Variants in NR3C1 observed in about 807,000 individuals in gnomAD.
NR3C1 encodes the protein nuclear receptor subfamily 3 group C member 1, also known as glucocorticoid receptor.
A neutral mutation model predicts 74.0 loss-of-function variants in NR3C1; 14 were observed. The observed-to-expected ratio is 0.19, with a 90% CI of 0.12 to 0.30. The LOEUF (loss-of-function observed/expected upper bound fraction) is 0.30, where lower values mean the gene tolerates loss of function less well. Among genes scored for constraint, NR3C1 ranks in the 10% least tolerant of loss-of-function variants. The pLI, the probability that NR3C1 is intolerant of heterozygous loss-of-function variation, is 1.00. For synonymous variants in NR3C1, 308 were observed against 332.5 expected (o/e 0.93, Z 0.80); for missense variants, 695 against 909.8 (o/e 0.76, Z 3.04).
At chr5:143,363,878 G>GA (rs1832721510) in intron 2 of NR3C1, among the ~76,000 whole-genome samples, 1 of 151,866 alleles carries the variant, frequency 6.6e-6, no homozygotes, top group African/African-American at 2.4e-5. Flanking sequence ...GAATGGGGAG[G>GA]AAAAAACTGG....
upstream of NR3C1, chr5:143,404,534 C>A: frequency 1.0e-6 from 1 of 975,182 alleles, no homozygotes; most frequent in Non-Finnish European, 1.2e-6. Context: ...CACCCTCTTC[C>A]CCGAGTCTGC....
intron 1 of NR3C1, among the ~76,000 whole-genome samples, chr5:143,422,671 G>T (rs904505741): frequency 1.3e-5 from 2 of 152,138 alleles, no homozygotes; most frequent in Non-Finnish European, 2.9e-5. Context: ...CAGGAAGCAG[G>T]TCCTCACCAG....
At chr5:143,405,153 G>T, upstream of NR3C1, 14 of 985,606 alleles carry the variant, frequency 1.4e-5, no homozygotes, top group Non-Finnish European at 1.7e-5. Context: ...CTCCTACCTT[G>T]TGCGGCACAG....
chr5:143,378,024 A>T lies in NR3C1; in HGVS notation c.1184+21632T>A, dbSNP rs535526279. On this transcript the variant is annotated intron_variant, in intron 2 of 8. Transcript: ENST00000394464. ...CAGCATTTTGGAAGGCTGAGACCAG[A>T]GCATCAACTGAGGCCAGGAATGTGA... Among the ~76,000 whole-genome samples, 11 of 152,214 alleles carry T rather than the reference A, an allele frequency of 7.2e-5. No individual in the cohort carries two copies. The South Asian group carries it at 1.2e-3, about 17-fold the overall frequency.
chr5:143,306,517 C>T (rs1316983224), intron 4 of NR3C1, among the ~76,000 whole-genome samples: 1 of 152,218 alleles, frequency 6.6e-6, no homozygotes, highest in South Asian at 2.1e-4. Flanking sequence ...AAACCACACA[C>T]ACAAACCCTA....
chr5:143,321,771 C>G (rs1468357870), intron 2 of NR3C1, among the ~76,000 whole-genome samples: 1 of 152,134 alleles, frequency 6.6e-6, no homozygotes, highest in Non-Finnish European at 1.5e-5. Context: ...ATCTGTTTTC[C>G]CTGCCTGAAG....
intron 1 of NR3C1, chr5:143,401,455 A>C (rs778143085): frequency 3.8e-5 from 6 of 156,460 alleles, no homozygotes; most frequent in Admixed American, 1.2e-4. Flanking sequence ...TGATCTGCTT[A>C]TCTTCCGACA....
At chr5:143,435,418 A>T in exon 1 of NR3C1, 14 of 985,468 alleles carry the variant, frequency 1.4e-5, no homozygotes, top group Non-Finnish European at 1.7e-5. Flanking sequence ...CTCTACTCAA[A>T]TGTCTGCATA....
At chr5:143,401,013 TA>T (rs1481898517) in intron 1 of NR3C1, among the ~76,000 whole-genome samples, 161 bp from the exon 2 acceptor site, 4 of 152,188 alleles carry the variant, frequency 2.6e-5, no homozygotes, top group African/African-American at 9.7e-5. Flanking sequence ...TCTTCCAGAA[TA>T]AAAAGCCATG....
chr5:143,321,658 T>C (rs1823408924), intron 2 of NR3C1, among the ~76,000 whole-genome samples: 1 of 152,242 alleles, frequency 6.6e-6, no homozygotes, highest in African/African-American at 2.4e-5. Flanking sequence ...TCATATGTCT[T>C]ATCACTCCCC....
intron 1 of NR3C1, chr5:143,402,454 C>T (rs769404591): frequency 3.9e-5 from 14 of 363,038 alleles, no homozygotes; most frequent in Non-Finnish European, 4.6e-5. Context: ...AGCACAAAAC[C>T]ATTACGGTTA....
intron 2 of NR3C1, among the ~76,000 whole-genome samples, chr5:143,397,317 T>A (rs1839407154): frequency 6.6e-6 from 1 of 151,880 alleles, no homozygotes; most frequent in Non-Finnish European, 1.5e-5. Flanking sequence ...AGGTCAGTAT[T>A]CAAGTTGTGG....
At chr5:143,416,191 G>C (rs1841471167) in intron 1 of NR3C1, among the ~76,000 whole-genome samples, 1 of 152,056 alleles carries the variant, frequency 6.6e-6, no homozygotes, top group Admixed American at 6.6e-5. Context: ...ATGATACTAG[G>C]ACCTAACATT....
At chr5:143,352,030 T>C (rs142242421) in intron 2 of NR3C1, among the ~76,000 whole-genome samples, 1 of 152,336 alleles carries the variant, frequency 6.6e-6, no homozygotes, top group East Asian at 1.9e-4. Flanking sequence ...TTTTGTTATA[T>C]AATTTTAGGG....
At chr5:143,400,947 T>A (rs1840157249) in intron 1 of NR3C1, 95 bp from the exon 2 acceptor site, 22 of 931,178 alleles carry the variant, frequency 2.4e-5, no homozygotes, top group Admixed American at 8.0e-5. Flanking sequence ...GCTTGTTAAA[T>A]GAACCTTTTA....
At chr5:143,379,137 T>C (rs891619916) in intron 2 of NR3C1, among the ~76,000 whole-genome samples, 1 of 152,208 alleles carries the variant, frequency 6.6e-6, no homozygotes, top group African/African-American at 2.4e-5. Flanking sequence ...TTTCTCTTCC[T>C]TTCCCTAACA....
chr5:143,309,498 T>A (rs966526153), intron 4 of NR3C1, among the ~76,000 whole-genome samples: 1 of 152,204 alleles, frequency 6.6e-6, no homozygotes, highest in Non-Finnish European at 1.5e-5. Flanking sequence ...GAAAAGGTAA[T>A]ATCTTCACAT....
chr5:143,393,016 C>T (rs780748198), intron 2 of NR3C1, among the ~76,000 whole-genome samples: 17 of 152,084 alleles, frequency 1.1e-4, no homozygotes, highest in African/African-American at 1.7e-4. Flanking sequence ...ATTTCTCATT[C>T]GAAAAAATTA....
intron 2 of NR3C1, among the ~76,000 whole-genome samples, chr5:143,319,690 C>A (rs546290247): frequency 2.0e-5 from 3 of 152,036 alleles, no homozygotes; most frequent in Non-Finnish European, 4.4e-5. Context: ...TGCTAACCAG[C>A]CTACAAGGCA....
Sources: gnomAD v4.1 joint callset for allele counts (sites outside exome capture counted in the v4.1 genomes callset) on GRCh38, gnomAD v4.1.1 for gene constraint, MANE v1.5 for transcripts, NCBI Gene and HGNC (gene_info 2026-07-23, HGNC 2026-07-21) for gene names.